PLA2G4A: variants seen among roughly 807,000 people sequenced by gnomAD.
PLA2G4A encodes the protein cytosolic phospholipase A2.
In PLA2G4A, 40 loss-of-function variants were observed where a neutral mutation model predicts 81.9. The observed-to-expected ratio is 0.49, with a 90% CI of 0.38 to 0.64. PLA2G4A has a LOEUF of 0.64. Among genes scored for constraint, PLA2G4A ranks in the 30% least tolerant of loss-of-function variants. PLA2G4A has a pLI of 0.00. For synonymous variants in PLA2G4A, 302 were observed against 296.9 expected, an observed-to-expected ratio of 1.02 and a Z score of -0.18; for missense variants, 715 against 905.1, an observed-to-expected ratio of 0.79 and a Z score of 2.69.
In PLA2G4A at chr1:186,907,014, T is replaced by A. The variant is rs769406598; in HGVS notation, c.416+12T>A. 12 of 1,408,136 alleles carry A rather than the reference T, an allele frequency of 8.5e-6. No homozygotes were observed. The South Asian group carries it at 1.3e-4, about 15-fold the overall frequency. The allele number at this position is 1,408,136 out of a possible 1,614,324, so 87.2% of individuals were successfully genotyped here. A position where few individuals can be genotyped will look rare whatever the true frequency, so the allele number is the denominator to read the frequency against. On this transcript the variant is annotated intron_variant, in intron 6 of 17. Transcript: ENST00000367466. The stretch of plus-strand genomic sequence containing the variant: ...TCTCTTGAAGTTTGGTAAGTGCATT[T>A]ATTTAGTTGGATGAGAAATATTGTG...
intron 12 of PLA2G4A, among the ~76,000 whole-genome samples, chr1:186,948,390 A>G (rs1400386474): frequency 6.6e-6 from 1 of 152,150 alleles, no homozygotes. Flanking sequence ...CTGCAAGGCA[A>G]TGTGTATAAT....
At chr1:186,871,590 A>G (rs773196744) in intron 3 of PLA2G4A, among the ~76,000 whole-genome samples, 2 of 152,140 alleles carry the variant, frequency 1.3e-5, no homozygotes, top group Non-Finnish European at 2.9e-5. Context: ...AGCGTGTTCC[A>G]AAGCAAAAAG....
chr1:186,944,566 C>A (rs1656271148), intron 10 of PLA2G4A, among the ~76,000 whole-genome samples: 1 of 152,158 alleles, frequency 6.6e-6, no homozygotes, highest in Non-Finnish European at 1.5e-5. Flanking sequence ...AATCACACCA[C>A]TTTCTGATGA....
intron 5 of PLA2G4A, among the ~76,000 whole-genome samples, chr1:186,894,950 G>T (rs1354839285): frequency 6.6e-6 from 1 of 152,226 alleles, no homozygotes; most frequent in African/African-American, 2.4e-5. Context: ...ATTTCTTGTT[G>T]TTGGGAGAGA....
chr1:186,898,825 T>A (rs919821935), intron 5 of PLA2G4A, among the ~76,000 whole-genome samples: 2 of 152,196 alleles, frequency 1.3e-5, no homozygotes, highest in Admixed American at 1.3e-4. Context: ...AGTGTATCAT[T>A]ATCTAGAGTT....
chr1:186,841,796 T>G lies in PLA2G4A; in HGVS notation c.-69-12490T>G, dbSNP rs376966702. On this transcript the variant is annotated intron_variant, in intron 1 of 17. Transcript: ENST00000367466. The stretch of plus-strand genomic sequence containing the variant: ...CTTGCTTTGTTTGTAATGCATTATG[T>G]GAAACTGGGCTGGCCAGTTTCCTGA... Among the ~76,000 whole-genome samples, 274 of 152,324 alleles carry G rather than the reference T, an allele frequency of 1.8e-3. 1 individual carries two copies. Among genetic ancestry groups the G allele is most frequent in the African/African-American group, 6.1e-3 (252 of 41,568 alleles).
intron 3 of PLA2G4A, among the ~76,000 whole-genome samples, chr1:186,883,372 T>C (rs1044571996): frequency 6.6e-6 from 1 of 152,144 alleles, no homozygotes; most frequent in African/African-American, 2.4e-5. Flanking sequence ...TATGAAGGAA[T>C]GCATTGTAGC....
intron 2 of PLA2G4A, among the ~76,000 whole-genome samples, chr1:186,856,596 TGGCCA>T (rs1179063713): frequency 2.0e-5 from 3 of 152,056 alleles, no homozygotes; most frequent in Non-Finnish European, 4.4e-5. Context: ...TTTGCCATGT[TGGCCA>T]GGCTGGTATT....
rs375721623 is a variant in PLA2G4A, at chr1:186,950,696, C to T, written c.1304C>T (p.Ser435Leu). ...TTKHIVSNDSSDSDDESHEPK... is the reference protein window; with the variant it reads ...TTKHIVSNDSLDSDDESHEPK... ...AAGCATATTGTGAGTAATGATAGCT[C>T]GGACAGTGATGATGAATCACACGAA... Residue 435 changes from serine (S) to leucine (L), a missense_variant, in exon 13 of 18, where the codon TCG becomes TTG. By Grantham distance (145) the Ser-to-Leu change is moderately radical (BLOSUM62 -2). Coordinates refer to ENST00000367466, the MANE Select transcript of PLA2G4A (RefSeq NM_024420.3). 1.5e-5 allele frequency: 24 copies of T among 1,604,742 alleles called. No individual in the cohort carries two copies. In the African/African-American group the frequency reaches 2.0e-4, roughly 13 times the overall value.
intron 12 of PLA2G4A, among the ~76,000 whole-genome samples, chr1:186,950,048 A>G (rs1298447322): frequency 2.3e-4 from 35 of 152,068 alleles, no homozygotes. Context: ...AAAGATAACT[A>G]GTTATTATGC....
intron 7 of PLA2G4A, among the ~76,000 whole-genome samples, chr1:186,925,460 G>T (rs1258253855): frequency 6.6e-6 from 1 of 152,026 alleles, no homozygotes; most frequent in African/African-American, 2.4e-5. Flanking sequence ...CTTCATTTTT[G>T]CCAGTTTATC....
intron 3 of PLA2G4A, chr1:186,870,778 G>C (rs139418625): frequency 7.4e-5 from 103 of 1,396,176 alleles, no homozygotes; most frequent in East Asian, 5.5e-4. Flanking sequence ...GCTGTTAAAC[G>C]TATAATTATG....
intron 5 of PLA2G4A, 41 bp downstream of exon 5, chr1:186,894,252 A>G (rs1378434056): frequency 1.3e-6 from 1 of 787,396 alleles, no homozygotes. Context: ...CTTATGTTAG[A>G]TAAAGTCTAT....
Position 186,950,702 on chromosome 1 carries a change from G to C in PLA2G4A, c.1310G>C (p.Ser437Thr). The C allele has an allele frequency of 6.2e-7, 1 of 1,604,310 alleles. No individual in the cohort carries two copies. Among genetic ancestry groups the C allele is most frequent in the Non-Finnish European group, 8.5e-7 (1 of 1,171,384 alleles). Residue 437 changes from serine to threonine, a missense_variant, in exon 13 of 18, where the codon AGT (serine) becomes ACT (threonine). By Grantham distance (58) the Ser-to-Thr change is moderately conservative. Coordinates refer to ENST00000367466, the MANE Select transcript of PLA2G4A (RefSeq NM_024420.3). ...ATTGTGAGTAATGATAGCTCGGACA[G>C]TGATGATGAATCACACGAACCCAAA... ...KHIVSNDSSD[S>T]DDESHEPKGT...
At chr1:186,951,766 C>G (rs1186609030) in intron 13 of PLA2G4A, among the ~76,000 whole-genome samples, 2 of 152,062 alleles carry the variant, frequency 1.3e-5, no homozygotes, top group Non-Finnish European at 2.9e-5. Flanking sequence ...CTGCACAGGG[C>G]CATGGCTTGG....
At chr1:186,846,796 C>T (rs1652191909) in intron 1 of PLA2G4A, among the ~76,000 whole-genome samples, 2 of 151,822 alleles carry the variant, frequency 1.3e-5, no homozygotes, top group South Asian at 4.2e-4. Flanking sequence ...GCTATTTTGT[C>T]GTGGCCCATT....
At chr1:186,938,706 A>C (rs1468570852) in intron 8 of PLA2G4A, among the ~76,000 whole-genome samples, 1 of 152,096 alleles carries the variant, frequency 6.6e-6, no homozygotes, top group Admixed American at 6.6e-5. Flanking sequence ...ACTCTGATAG[A>C]GATACTCCAT....
At chr1:186,957,299 A>G (rs953178069) in intron 14 of PLA2G4A, among the ~76,000 whole-genome samples, 1 of 151,978 alleles carries the variant, frequency 6.6e-6, no homozygotes, top group Admixed American at 6.5e-5. Context: ...AATCGTTCCA[A>G]ACTTTCAGGA....
rs1350209950 is a variant in PLA2G4A at position 186,950,585 on chromosome 1, CT to C, written c.1265-66del. The C allele has an allele frequency of 8.4e-6, 7 of 828,986 alleles. No homozygotes were observed. In the East Asian group the frequency reaches 1.0e-4, roughly 12 times the overall value. 51.4% of individuals were successfully genotyped at this position (828,986 alleles called of 1,614,324 possible). A position where few individuals can be genotyped will look rare whatever the true frequency, so the allele number is the denominator to read the frequency against. On this transcript the variant is annotated intron_variant, in intron 12 of 17. Transcript: ENST00000367466. ...TCACTCTGTGGTTTTGCTCAGATTA[CT>C]TTTTTATATTAAAATTAATTGTTAA...
Sources: allele counts gnomAD v4.1 joint callset (sites outside exome capture counted in the v4.1 genomes callset), GRCh38; gene constraint gnomAD v4.1.1; transcripts MANE v1.5; gene names NCBI Gene and HGNC (gene_info 2026-07-23, HGNC 2026-07-21).